The following SLC39A11 variants were observed in gnomAD, a reference collection of about 807,000 sequenced individuals.
SLC39A11 encodes solute carrier family 39 member 11.
A neutral mutation model predicts 36.1 loss-of-function variants in SLC39A11; 33 were observed. The observed-to-expected ratio is 0.91, with a 90% CI of 0.69 to 1.22. The LOEUF is 1.22. Among genes scored for constraint, SLC39A11 ranks in the 50% most tolerant of loss-of-function variants. The pLI is 0.00. For synonymous variants in SLC39A11, 166 were observed against 170.3 expected (o/e 0.97, Z 0.20); for missense variants, 432 against 430.3 (o/e 1.00, Z -0.03).
intron 5 of SLC39A11, among the ~76,000 whole-genome samples, chr17:72,921,970 C>G (rs113854372): frequency 4.6e-5 from 7 of 152,256 alleles, no homozygotes; most frequent in South Asian, 2.1e-4. Flanking sequence ...TTATCTGAGT[C>G]CTAGTGTGAA....
At chr17:72,683,477 A>T (rs529241646) in intron 7 of SLC39A11, among the ~76,000 whole-genome samples, 2 of 151,688 alleles carry the variant, frequency 1.3e-5, no homozygotes, top group Non-Finnish European at 2.9e-5. Flanking sequence ...CTGGGACTAC[A>T]TGCACACACC....
At chr17:73,018,896 T>A (rs2058254031) in intron 4 of SLC39A11, among the ~76,000 whole-genome samples, 1 of 151,578 alleles carries the variant, frequency 6.6e-6, no homozygotes, top group African/African-American at 2.4e-5. Context: ...CACAAAGGCA[T>A]AACAGAGTCA....
At chr17:72,952,074 G>A (rs541435984) in intron 4 of SLC39A11, among the ~76,000 whole-genome samples, 264 of 152,082 alleles carry the variant, frequency 1.7e-3, no homozygotes, top group Non-Finnish European at 2.5e-3. Flanking sequence ...TGTACCCCCC[G>A]CTTCCCCCAT....
intron 5 of SLC39A11, among the ~76,000 whole-genome samples, chr17:72,867,156 T>C (rs2080342822): frequency 6.6e-6 from 1 of 152,170 alleles, no homozygotes; most frequent in African/African-American, 2.4e-5. Flanking sequence ...AGGGGAGAGA[T>C]GCAGATTAAT....
chr17:72,748,220 G>C (rs1290366845), intron 6 of SLC39A11, among the ~76,000 whole-genome samples: 2 of 151,994 alleles, frequency 1.3e-5, no homozygotes, highest in African/African-American at 4.8e-5. Flanking sequence ...TACTTGGGAG[G>C]GTTAGGCTGG....
At chr17:72,741,639 G>A (rs1336550986) in intron 6 of SLC39A11, among the ~76,000 whole-genome samples, 3 of 152,166 alleles carry the variant, frequency 2.0e-5, no homozygotes, top group African/African-American at 7.2e-5. Context: ...CTAATGTGGA[G>A]CACTAGTATT....
At chr17:73,077,276 C>G (rs1457837510) in intron 3 of SLC39A11, among the ~76,000 whole-genome samples, 2 of 152,120 alleles carry the variant, frequency 1.3e-5, no homozygotes, top group African/African-American at 2.4e-5. Context: ...GGGGACCCAC[C>G]AGGAGTTTCT....
intron 6 of SLC39A11, among the ~76,000 whole-genome samples, chr17:72,802,601 AAAAAGAAAAG>A (rs560327918): frequency 2.1e-4 from 31 of 150,988 alleles, no homozygotes; most frequent in African/African-American, 7.6e-4. Context: ...AAAAAAAAAA[AAAAAGAAAAG>A]AAAAGAAAAG....
At chr17:72,672,937 C>A (rs1275517065) in intron 7 of SLC39A11, among the ~76,000 whole-genome samples, 1 of 151,806 alleles carries the variant, frequency 6.6e-6, no homozygotes, top group Non-Finnish European at 1.5e-5. Flanking sequence ...ATTTAACACA[C>A]TCATACCTAT....
Position 72,805,671 on chromosome 17 carries a change from C to T in SLC39A11, c.601+43963G>A, listed in dbSNP as rs143904052. On this transcript the variant is annotated intron_variant, in intron 6 of 9. Coordinates refer to ENST00000255559, the MANE Select transcript of SLC39A11 (RefSeq NM_139177.4). Reference sequence around the variant, plus strand: ...TCAATTCTTGTCAGGAATGTCAGACCAGCTGTGAGGTCCTCCTGAGTGCAA... The same window carrying T: ...TCAATTCTTGTCAGGAATGTCAGACTAGCTGTGAGGTCCTCCTGAGTGCAA... Among the ~76,000 whole-genome samples the T allele has an allele frequency of 1.8e-3, 272 of 152,288 alleles. 3 individuals are homozygous for T. Among genetic ancestry groups the T allele is most frequent in the Middle Eastern group, 6.8e-3 (2 of 294 alleles).
intron 5 of SLC39A11, among the ~76,000 whole-genome samples, chr17:72,905,459 T>A (rs2082610673): frequency 6.6e-6 from 1 of 150,812 alleles, no homozygotes; most frequent in Non-Finnish European, 1.5e-5. Flanking sequence ...TACCCAGGTG[T>A]GGTGGCACAT....
intron 7 of SLC39A11, among the ~76,000 whole-genome samples, chr17:72,689,424 CAGCAATTCCACTCCTG>C (rs145706078): frequency 6.6e-6 from 1 of 152,042 alleles, no homozygotes; most frequent in Non-Finnish European, 1.5e-5. Context: ...CCATATAAGT[CAGCAATTCCACTCCTG>C]GGTATACACC....
intron 3 of SLC39A11, among the ~76,000 whole-genome samples, chr17:73,064,243 G>A (rs1444993508): frequency 6.6e-6 from 1 of 152,168 alleles, no homozygotes; most frequent in African/African-American, 2.4e-5. Flanking sequence ...AAGCACTGTG[G>A]CTCATGGCCC....
chr17:72,962,986 G>A (rs76745189), intron 4 of SLC39A11, among the ~76,000 whole-genome samples: 13,372 of 151,908 alleles, frequency 0.088, 860 homozygotes, highest in African/African-American at 0.17. Flanking sequence ...CCTCAAGGAA[G>A]GCCCACTCTC....
intron 3 of SLC39A11, among the ~76,000 whole-genome samples, chr17:73,042,477 C>T (rs764006548): frequency 6.6e-6 from 1 of 152,158 alleles, no homozygotes; most frequent in Non-Finnish European, 1.5e-5. Context: ...GGAGGACACA[C>T]AAACTTGCAA....
At chr17:72,781,615 G>A (rs2076322699) in intron 6 of SLC39A11, among the ~76,000 whole-genome samples, 1 of 151,872 alleles carries the variant, frequency 6.6e-6, no homozygotes, top group African/African-American at 2.4e-5. Flanking sequence ...AATAGAGACG[G>A]GATTTCACTG....
At chr17:72,788,764 T>C (rs766397577) in intron 6 of SLC39A11, among the ~76,000 whole-genome samples, 4 of 152,168 alleles carry the variant, frequency 2.6e-5, no homozygotes, top group Admixed American at 2.0e-4. Context: ...TGGACAATAC[T>C]AGAGGCAGGG....
chr17:72,863,131 TA>T (rs970757908), intron 5 of SLC39A11, among the ~76,000 whole-genome samples: 3 of 151,994 alleles, frequency 2.0e-5, no homozygotes, highest in African/African-American at 2.4e-5. Context: ...GGAAACCCAT[TA>T]AAAATAAACT....
chr17:72,991,713 C>T (rs965841886), intron 4 of SLC39A11, among the ~76,000 whole-genome samples: 3 of 152,172 alleles, frequency 2.0e-5, no homozygotes, highest in African/African-American at 7.2e-5. Context: ...ATGAATTTAC[C>T]ACAATTTAAT....
Sources: gnomAD v4.1 joint callset for allele counts (sites outside exome capture counted in the v4.1 genomes callset) on GRCh38, gnomAD v4.1.1 for gene constraint, MANE v1.5 for transcripts, NCBI Gene and HGNC (gene_info 2026-07-23, HGNC 2026-07-21) for gene names.